The following CIMAP1D variants were observed in gnomAD, a reference collection of about 807,000 sequenced individuals.
CIMAP1D encodes CIMAP1 family member D, also known as protein CIMAP1D.
the CIMAP1D span, among the ~76,000 whole-genome samples, chr19:483,942 C>T: frequency 6.6e-6 from 1 of 152,126 alleles, no homozygotes; most frequent in Non-Finnish European, 1.5e-5. Flanking sequence ...GACCTCCCAC[C>T]CTGCCTGTGA....
At chr19:468,546 T>C in the CIMAP1D span, among the ~76,000 whole-genome samples, 2 of 152,176 alleles carry the variant, frequency 1.3e-5, no homozygotes, top group African/African-American at 4.8e-5. Flanking sequence ...AAGCCTATTT[T>C]CCTCATCAGC....
the CIMAP1D span, among the ~76,000 whole-genome samples, chr19:477,616 C>T: frequency 1.3e-5 from 2 of 152,042 alleles, no homozygotes; most frequent in Non-Finnish European, 2.9e-5. Flanking sequence ...AAAAAGAACG[C>T]CTCCTCCCCA....
At chr19:473,005 C>G in the CIMAP1D span, among the ~76,000 whole-genome samples, 1 of 103,402 alleles carries the variant, frequency 9.7e-6, no homozygotes, top group Non-Finnish European at 2.2e-5. Flanking sequence ...GAAACTGAGG[C>G]CCAGGCAGAG....
the CIMAP1D span, among the ~76,000 whole-genome samples, chr19:466,970 GTGGT>G: frequency 5.4e-4 from 37 of 68,860 alleles, no homozygotes; most frequent in African/African-American, 1.5e-3. Context: ...GGATGGGTGG[GTGGT>G]TGGGTGGGTG....
At chr19:464,145 G>A in the CIMAP1D span, 1 of 683,052 alleles carries the variant, frequency 1.5e-6, no homozygotes, top group Non-Finnish European at 2.4e-6. Flanking sequence ...GCGGGCGGGG[G>A]GGGTGCGGCC....
At chr19:486,367 C>T in the CIMAP1D span, among the ~76,000 whole-genome samples, 2 of 152,154 alleles carry the variant, frequency 1.3e-5, no homozygotes, top group Non-Finnish European at 2.9e-5. Flanking sequence ...CTCCCTCCCC[C>T]TCCAGGAAGG....
At chr19:474,486 T>A in the CIMAP1D span, 2,484 of 911,276 alleles carry the variant, frequency 2.7e-3, 3 homozygotes, top group Non-Finnish European at 3.5e-3. Flanking sequence ...GAAGGAAAAC[T>A]GAGGTCTGGG....
At chr19:470,758 G>A in the CIMAP1D span, among the ~76,000 whole-genome samples, 2 of 152,370 alleles carry the variant, frequency 1.3e-5, no homozygotes, top group East Asian at 1.9e-4. Context: ...AGCAGCGGTA[G>A]AAAATGGAGG....
the CIMAP1D span, among the ~76,000 whole-genome samples, chr19:476,426 G>T: frequency 6.6e-6 from 1 of 152,074 alleles, no homozygotes; most frequent in Non-Finnish European, 1.5e-5. Flanking sequence ...CTGACCTCAG[G>T]TGATCCACAC....
the CIMAP1D span, among the ~76,000 whole-genome samples, chr19:475,199 G>A: frequency 6.6e-6 from 1 of 152,186 alleles, no homozygotes; most frequent in East Asian, 1.9e-4. Flanking sequence ...ACAGCCCAAG[G>A]TCATACAGCA....
the CIMAP1D span, chr19:464,017 G>A: frequency 1.2e-6 from 2 of 1,607,614 alleles, no homozygotes; most frequent in Non-Finnish European, 1.7e-6. Flanking sequence ...TCCTCCAGGG[G>A]TCGCGGGGCC....
At chr19:464,713 G>A in the CIMAP1D span, among the ~76,000 whole-genome samples, 1 of 152,194 alleles carries the variant, frequency 6.6e-6, no homozygotes, top group Non-Finnish European at 1.5e-5. Context: ...GTCTGCACCT[G>A]CATCTAACTG....
chr19:477,159 G>C, the CIMAP1D span, among the ~76,000 whole-genome samples: 13 of 152,350 alleles, frequency 8.5e-5, no homozygotes, highest in African/African-American at 3.1e-4. Context: ...AGTGAGCCAA[G>C]ATTGTGCCAC....
the CIMAP1D span, chr19:463,990 C>T: frequency 1.3e-4 from 202 of 1,609,654 alleles, 1 homozygote; most frequent in Middle Eastern, 1.4e-3. Context: ...GGGCAGTGGG[C>T]GCCAGGGCCG....
chr19:472,807 C>A, the CIMAP1D span, among the ~76,000 whole-genome samples: 4 of 148,792 alleles, frequency 2.7e-5, no homozygotes, highest in Non-Finnish European at 4.5e-5. Flanking sequence ...AGGCCTGAGC[C>A]TCCCAGAGAT....
chr19:463,529 G>A, the CIMAP1D span: 6 of 441,006 alleles, frequency 1.4e-5, no homozygotes, highest in East Asian at 2.2e-4. Context: ...TGGGACACAG[G>A]AAGCTCCATC....
the CIMAP1D span, among the ~76,000 whole-genome samples, chr19:468,558 T>G: frequency 6.6e-6 from 1 of 152,170 alleles, no homozygotes; most frequent in African/African-American, 2.4e-5. Context: ...CTCATCAGCA[T>G]GTTGAGAAAA....
chr19:480,952 G>A, the CIMAP1D span, among the ~76,000 whole-genome samples: 1 of 143,832 alleles, frequency 7.0e-6, no homozygotes, highest in Non-Finnish European at 1.5e-5. Context: ...GATGGAGAAG[G>A]AATGTGGGAA....
chr19:474,497 G>A, the CIMAP1D span: 1 of 1,025,578 alleles, frequency 9.8e-7, no homozygotes. Context: ...GAGGTCTGGG[G>A]AAGGGCAAGG....
Sources: gnomAD v4.1 joint callset for allele counts (sites outside exome capture counted in the v4.1 genomes callset) on GRCh38, gnomAD v4.1.1 for gene constraint, MANE v1.5 for transcripts, NCBI Gene and HGNC (gene_info 2026-07-23, HGNC 2026-07-21) for gene names.